The following SORCS2 variants were observed in gnomAD, a reference collection of about 807,000 sequenced individuals.
SORCS2 encodes VPS10 domain-containing receptor SorCS2.
A neutral mutation model predicts 141.6 loss-of-function variants in SORCS2; 100 were observed. The observed-to-expected ratio is 0.71, with a 90% CI of 0.60 to 0.83. The LOEUF (loss-of-function observed/expected upper bound fraction) is 0.83, where lower values mean the gene tolerates loss of function less well. SORCS2 is among the 40% of genes least tolerant of loss of function. SORCS2 has a pLI of 0.00. For missense variants in SORCS2, 1,646 were observed against 1,560.2 expected (o/e 1.05, Z -0.93); for synonymous variants, 789 against 676.9 (o/e 1.17, Z -2.57).
In SORCS2 at chr4:7,192,711, C is replaced by A; in HGVS notation, c.65C>A (p.Pro22His). The A allele has an allele frequency of 1.0e-6, 1 of 989,772 alleles. No homozygotes were observed. The highest frequency in any genetic ancestry group is 4.5e-5 in the South Asian group (1 of 22,202). The allele number at this position is 989,772 out of a possible 1,614,324, so 61.3% of individuals were successfully genotyped here. ...GPGPTARAPS[P>H]GAPPPPRSPR... Reference sequence around the variant, plus strand: ...GGCCCCACCGCCCGAGCCCCGAGCCCCGGGGCTCCGCCGCCGCCGCGCTCG... The same window carrying A: ...GGCCCCACCGCCCGAGCCCCGAGCCACGGGGCTCCGCCGCCGCCGCGCTCG... Residue 22 changes from proline (P) to histidine (H), a missense_variant, in exon 1 of 27, where the codon CCC (proline) becomes CAC (histidine). By Grantham distance (77) the Pro-to-His change is moderately conservative. Transcript: ENST00000507866. The surrounding 1 kb of genome is among the most constrained non-coding windows in gnomAD (Gnocchi z 4.0).
intron 2 of SORCS2, among the ~76,000 whole-genome samples, chr4:7,522,884 TC>T (rs1254345844): frequency 6.0e-3 from 5 of 838 alleles, no homozygotes; most frequent in African/African-American, 0.011. Flanking sequence ...CCCTCTTCCC[TC>T]CTCCCTCTTC....
intron 1 of SORCS2, among the ~76,000 whole-genome samples, chr4:7,301,445 C>G (rs1458499228): frequency 4.6e-5 from 7 of 152,204 alleles, no homozygotes; most frequent in African/African-American, 1.4e-4. Flanking sequence ...GATCTCGGAT[C>G]AATATCACAC....
chr4:7,728,936 G>T (rs1343748684), intron 22 of SORCS2, among the ~76,000 whole-genome samples: 1 of 152,210 alleles, frequency 6.6e-6, no homozygotes, highest in Non-Finnish European at 1.5e-5. Context: ...CCAAGTGAGA[G>T]AGGACCAGTC....
intron 2 of SORCS2, among the ~76,000 whole-genome samples, chr4:7,427,640 G>T (rs376804178): frequency 6.6e-6 from 1 of 152,122 alleles, no homozygotes; most frequent in Non-Finnish European, 1.5e-5. Flanking sequence ...AGGAGGTGGG[G>T]TGCTGGGATC....
At chr4:7,576,536 T>G (rs1715763900) in intron 3 of SORCS2, among the ~76,000 whole-genome samples, 1 of 151,974 alleles carries the variant, frequency 6.6e-6, no homozygotes, top group South Asian at 2.1e-4. Context: ...CTACAAAAGG[T>G]GACATTTGTG....
intron 3 of SORCS2, among the ~76,000 whole-genome samples, chr4:7,602,835 C>G (rs961477854): frequency 1.3e-5 from 2 of 152,182 alleles, no homozygotes; most frequent in Non-Finnish European, 2.9e-5. Flanking sequence ...TGTAGCCAAC[C>G]GAGATCACGC....
intron 2 of SORCS2, among the ~76,000 whole-genome samples, chr4:7,452,378 G>T (rs1728517189): frequency 6.6e-6 from 1 of 152,164 alleles, no homozygotes; most frequent in African/African-American, 2.4e-5. Flanking sequence ...CTGACCTCAG[G>T]TGATCCACCT....
At chr4:7,697,112 C>A in intron 11 of SORCS2, 86 bp from the exon 12 acceptor site, 2 of 1,197,788 alleles carry the variant, frequency 1.7e-6, no homozygotes, top group Non-Finnish European at 2.4e-6. Context: ...GCCACCGTTG[C>A]TTGAGGTTTT....
chr4:7,595,846 G>A (rs370781786), intron 3 of SORCS2, among the ~76,000 whole-genome samples: 24 of 152,270 alleles, frequency 1.6e-4, no homozygotes, highest in African/African-American at 5.5e-4. Flanking sequence ...ACCAGGCACC[G>A]TCACCTGAAT....
chr4:7,559,376 G>A (rs534638833), intron 3 of SORCS2, among the ~76,000 whole-genome samples: 1 of 152,340 alleles, frequency 6.6e-6, no homozygotes, highest in African/African-American at 2.4e-5. Flanking sequence ...GACCGATGGT[G>A]ACATGGGCAC....
At chr4:7,730,437 C>T (rs1247969580) in intron 23 of SORCS2, among the ~76,000 whole-genome samples, 1 of 152,218 alleles carries the variant, frequency 6.6e-6, no homozygotes, top group African/African-American at 2.4e-5. Context: ...GAAACAAAAA[C>T]ATACATCCAC....
chr4:7,392,347 C>T (rs1039629205), intron 1 of SORCS2, among the ~76,000 whole-genome samples: 1 of 151,914 alleles, frequency 6.6e-6, no homozygotes, highest in Non-Finnish European at 1.5e-5. Flanking sequence ...GCGGGGAGCC[C>T]CCGGACATCA....
chr4:7,603,884 C>T (rs772434838), intron 3 of SORCS2, among the ~76,000 whole-genome samples: 1 of 152,172 alleles, frequency 6.6e-6, no homozygotes, highest in African/African-American at 2.4e-5. Context: ...ATCTCACATG[C>T]AGCTGTAAGA....
At chr4:7,630,946 C>T (rs571554806) in intron 3 of SORCS2, among the ~76,000 whole-genome samples, 1 of 151,800 alleles carries the variant, frequency 6.6e-6, no homozygotes, top group African/African-American at 2.4e-5. Flanking sequence ...CTCCCCAGGA[C>T]AGAGATTTGT....
chr4:7,524,324 C>T (rs1324166409), intron 2 of SORCS2, among the ~76,000 whole-genome samples: 1 of 152,150 alleles, frequency 6.6e-6, no homozygotes, highest in Admixed American at 6.5e-5. Context: ...CAGGAGGATC[C>T]TCCCCTGGAG....
chr4:7,404,714 T>C (rs1724866782), intron 2 of SORCS2, among the ~76,000 whole-genome samples: 1 of 152,108 alleles, frequency 6.6e-6, no homozygotes, highest in South Asian at 2.1e-4. Flanking sequence ...TTTTTTGTTG[T>C]TGTTGAGTTG....
chr4:7,461,261 G>C (rs1014835866), intron 2 of SORCS2, among the ~76,000 whole-genome samples: 2 of 152,304 alleles, frequency 1.3e-5, no homozygotes, highest in East Asian at 3.9e-4. Context: ...ATCTCTGAAC[G>C]TGAAAGATGC....
chr4:7,275,729 C>T (rs189420777), intron 1 of SORCS2, among the ~76,000 whole-genome samples: 1 of 149,700 alleles, frequency 6.7e-6, no homozygotes, highest in African/African-American at 2.4e-5. Flanking sequence ...TGCAAGCAGA[C>T]TAAGTAAACA....
chr4:7,616,773 A>G lies in SORCS2; in HGVS notation c.649-21555A>G, dbSNP rs1718790030. Among the ~76,000 whole-genome samples, 5 of 152,384 alleles carry G rather than the reference A, an allele frequency of 3.3e-5. 1 individual carries two copies. The highest frequency in any genetic ancestry group is 3.3e-4 in the Admixed American group (5 of 15,308). On this transcript the variant is annotated intron_variant, in intron 3 of 26. Transcript: ENST00000507866. ...ACTCATAACTTAAAGAGCTTGTTTT[A>G]AAAACTGACTATAAAACCATTTAAT...
Sources: gnomAD v4.1 joint callset for allele counts (sites outside exome capture counted in the v4.1 genomes callset) on GRCh38, gnomAD v4.1.1 for gene constraint, Gnocchi (gnomAD v3.1) non-coding constraint, MANE v1.5 for transcripts, NCBI Gene and HGNC (gene_info 2026-07-23, HGNC 2026-07-21) for gene names.